The following PLXDC2 variants were observed in gnomAD, a reference collection of about 807,000 sequenced individuals.
PLXDC2 encodes plexin domain containing 2.
Under a neutral mutation model 68.9 loss-of-function variants are expected in PLXDC2, and 40 were observed. The observed-to-expected ratio is 0.58, with a 90% confidence interval of 0.45 to 0.76. The LOEUF is 0.76. Ranked by LOEUF, PLXDC2 falls within the 30% of genes least tolerant of loss-of-function variation. The pLI, the probability that PLXDC2 is intolerant of heterozygous loss-of-function variation, is 0.00. For missense variants in PLXDC2, 644 were observed against 661.9 expected (o/e 0.97, Z 0.30); for synonymous variants, 243 against 234.2 (o/e 1.04, Z -0.34).
intron 6 of PLXDC2, 69 bp from the exon 7 acceptor site, chr10:20,164,399 T>A (rs1834345192): frequency 8.2e-7 from 1 of 1,217,096 alleles, no homozygotes; most frequent in Admixed American, 1.7e-5. Flanking sequence ...AACAAGAGGA[T>A]CCTACTACCT....
intron 4 of PLXDC2, among the ~76,000 whole-genome samples, chr10:20,105,825 C>T (rs1219249195): frequency 2.0e-5 from 3 of 152,192 alleles, no homozygotes; most frequent in African/African-American, 7.2e-5. Flanking sequence ...TACAAATCCT[C>T]GAGCTGCTCT....
chr10:19,943,962 T>C (rs1249047831), intron 1 of PLXDC2, among the ~76,000 whole-genome samples: 1 of 152,236 alleles, frequency 6.6e-6, no homozygotes, highest in Non-Finnish European at 1.5e-5. Context: ...ACCATTAAAA[T>C]GGCTTGGTAT....
intron 1 of PLXDC2, among the ~76,000 whole-genome samples, chr10:19,959,129 A>G (rs1834116794): frequency 6.6e-6 from 1 of 152,214 alleles, no homozygotes; most frequent in Non-Finnish European, 1.5e-5. Flanking sequence ...ACAAATGAAG[A>G]CATTAATCCT....
At chr10:20,108,390 G>A (rs1312903300) in intron 4 of PLXDC2, among the ~76,000 whole-genome samples, 1 of 152,100 alleles carries the variant, frequency 6.6e-6, no homozygotes, top group African/African-American at 2.4e-5. Flanking sequence ...ATGTACTAAG[G>A]TGAAGTATTA....
chr10:19,930,744 C>A (rs1040415176), intron 1 of PLXDC2, among the ~76,000 whole-genome samples: 1 of 152,114 alleles, frequency 6.6e-6, no homozygotes, highest in Non-Finnish European at 1.5e-5. Context: ...GGGTGGGTCA[C>A]CTGAGGTTGG....
intron 1 of PLXDC2, among the ~76,000 whole-genome samples, chr10:19,903,653 T>TTTTG (rs1313773640): frequency 6.6e-6 from 1 of 151,988 alleles, no homozygotes; most frequent in Admixed American, 6.5e-5. Context: ...TCTTTTATAT[T>TTTTG]TTTGTTTGTT....
At chr10:19,920,361 A>G (rs1305707762) in intron 1 of PLXDC2, among the ~76,000 whole-genome samples, 4 of 152,002 alleles carry the variant, frequency 2.6e-5, no homozygotes, top group Non-Finnish European at 2.9e-5. Flanking sequence ...GGCCTGCCAC[A>G]CCCCCATCCT....
intron 10 of PLXDC2, 67 bp downstream of exon 10, chr10:20,211,796 A>T (rs1330459796): frequency 1.4e-6 from 2 of 1,445,172 alleles, no homozygotes; most frequent in Non-Finnish European, 1.9e-6. Context: ...TTAACTGTTA[A>T]TAATTTTTAT....
chr10:20,199,747 G>T (rs964305928), intron 9 of PLXDC2, among the ~76,000 whole-genome samples: 12 of 151,780 alleles, frequency 7.9e-5, no homozygotes, highest in Admixed American at 7.2e-4. Flanking sequence ...TATTTGGAAC[G>T]TTAGAATGTG....
At chr10:20,246,700 C>A (rs1173790674) in intron 13 of PLXDC2, among the ~76,000 whole-genome samples, 1 of 152,222 alleles carries the variant, frequency 6.6e-6, no homozygotes, top group Non-Finnish European at 1.5e-5. Context: ...CCTCTTCCAA[C>A]ACCAGATAGA....
intron 1 of PLXDC2, among the ~76,000 whole-genome samples, chr10:20,001,220 G>T (rs1334467927): frequency 6.6e-6 from 1 of 152,202 alleles, no homozygotes. Flanking sequence ...AATGAATGAA[G>T]ACTGGCTTGT....
At chr10:20,151,029 T>A (rs1337642927) in intron 6 of PLXDC2, among the ~76,000 whole-genome samples, 1 of 152,214 alleles carries the variant, frequency 6.6e-6, no homozygotes, top group Non-Finnish European at 1.5e-5. Flanking sequence ...ATTTTTACTT[T>A]ATTATTTACT....
At chr10:20,045,418 G>A (rs575763911) in intron 2 of PLXDC2, among the ~76,000 whole-genome samples, 5 of 152,188 alleles carry the variant, frequency 3.3e-5, no homozygotes, top group Middle Eastern at 3.4e-3. Context: ...TGATCCGCCC[G>A]CCTTGGCTTC....
rs553062616 is a variant in PLXDC2 at position 20,116,072 on chromosome 10, C to A, written c.542-27223C>A. Among the ~76,000 whole-genome samples, 5 of 152,178 alleles carry A rather than the reference C, an allele frequency of 3.3e-5. No homozygotes were observed. The East Asian group carries it at 7.7e-4, about 23-fold the overall frequency. On this transcript the variant is annotated intron_variant, in intron 4 of 13. Transcript: ENST00000377252. ...AAAGTGTGTTTGAGATGTGGATTCA[C>A]GCTGCTCCTCTACAAAAGCTGCATG... is the stretch of plus-strand genomic sequence containing the variant.
chr10:19,831,654 G>T (rs1418264563), intron 1 of PLXDC2, among the ~76,000 whole-genome samples: 2 of 152,040 alleles, frequency 1.3e-5, no homozygotes, highest in Non-Finnish European at 2.9e-5. Flanking sequence ...TCATCGTTTA[G>T]CTCCCACTTA....
chr10:20,066,789 G>T (rs6482083), intron 3 of PLXDC2, among the ~76,000 whole-genome samples: 46,055 of 151,978 alleles, frequency 0.3, 8,928 homozygotes, highest in East Asian at 0.69. Context: ...TTTGCAAAAT[G>T]GGAAAAAGCT....
At chr10:19,844,081 G>GA (rs1440646185) in intron 1 of PLXDC2, among the ~76,000 whole-genome samples, 3 of 152,002 alleles carry the variant, frequency 2.0e-5, no homozygotes, top group East Asian at 1.9e-4. Flanking sequence ...AATAAAAATG[G>GA]AAAAAAATTA....
chr10:20,158,084 AG>A, intron 6 of PLXDC2, among the ~76,000 whole-genome samples: 1 of 152,126 alleles, frequency 6.6e-6, no homozygotes, highest in African/African-American at 2.4e-5. Flanking sequence ...AAACTTCTGT[AG>A]TTTAGAGTTT....
At chr10:19,917,024 C>T (rs929851446) in intron 1 of PLXDC2, among the ~76,000 whole-genome samples, 2 of 152,116 alleles carry the variant, frequency 1.3e-5, no homozygotes, top group Non-Finnish European at 2.9e-5. Context: ...ATAAAAGGCT[C>T]ACTGGTAGGT....
Sources: gnomAD v4.1 joint callset for allele counts (sites outside exome capture counted in the v4.1 genomes callset) on GRCh38, gnomAD v4.1.1 for gene constraint, MANE v1.5 for transcripts, NCBI Gene and HGNC (gene_info 2026-07-23, HGNC 2026-07-21) for gene names.